The following MYH15 variants were observed in gnomAD, a reference collection of about 807,000 sequenced individuals.
MYH15 encodes myosin-15.
A neutral mutation model predicts 240.5 loss-of-function variants in MYH15; 227 were observed. The observed-to-expected ratio is 0.94, with a 90% CI of 0.85 to 1.05. The LOEUF is 1.05. MYH15 is among the 50% of genes least tolerant of loss of function. The probability of loss-of-function intolerance (pLI) is 0.00; values close to 1 mark genes in which losing one functional copy is unlikely to be tolerated. For missense variants in MYH15, 2,217 were observed against 2,247.5 expected (o/e 0.99, Z 0.27); for synonymous variants, 785 against 796.7 (o/e 0.99, Z 0.25).
chr3:108,444,616 A>G, intron 22 of MYH15, 24 bp downstream of exon 22: 1 of 1,607,476 alleles, frequency 6.2e-7, no homozygotes, highest in South Asian at 1.1e-5. Context: ...CTTGATTTAA[A>G]GAACAAATGG....
intron 1 of MYH15, among the ~76,000 whole-genome samples, chr3:108,523,331 G>A (rs2083637484): frequency 6.6e-6 from 1 of 151,736 alleles, no homozygotes; most frequent in South Asian, 2.1e-4. Context: ...AATAAAATAA[G>A]GTGATGGTCA....
chr3:108,480,819 G>A (rs925339662), intron 11 of MYH15, among the ~76,000 whole-genome samples: 3 of 152,156 alleles, frequency 2.0e-5, no homozygotes, highest in African/African-American at 7.2e-5. Flanking sequence ...CTGAGAGTTG[G>A]AAATATGGAG....
intron 1 of MYH15, among the ~76,000 whole-genome samples, chr3:108,507,329 G>A (rs1043916640): frequency 6.8e-6 from 1 of 148,066 alleles, no homozygotes; most frequent in African/African-American, 2.5e-5. Flanking sequence ...CCAGGTCACA[G>A]CTACTCAGGT....
At chr3:108,476,056 T>G (rs975983367) in intron 12 of MYH15, among the ~76,000 whole-genome samples, 1 of 152,194 alleles carries the variant, frequency 6.6e-6, no homozygotes, top group Non-Finnish European at 1.5e-5. Context: ...AGCATGCCAA[T>G]TTGCCAATTT....
Position 108,440,527 on chromosome 3 carries a change from C to T in MYH15, c.2898+491G>A, listed in dbSNP as rs182172091. On this transcript the variant is annotated intron_variant, in intron 23 of 40. Transcript: ENST00000693548. The stretch of plus-strand genomic sequence containing the variant: ...ACTGTCCTCAATCCACACACAGATG[C>T]GCAAGTTAAAACCCTCAAACAAACT... Among the ~76,000 whole-genome samples, 317 of 152,190 alleles carry T rather than the reference C, an allele frequency of 2.1e-3. 6 individuals carry two copies. The South Asian group carries it at 0.041, about 20-fold the overall frequency.
chr3:108,503,413 G>A (rs1320626940), intron 2 of MYH15, among the ~76,000 whole-genome samples: 1 of 151,976 alleles, frequency 6.6e-6, no homozygotes, highest in Non-Finnish European at 1.5e-5. Context: ...ATGTGGTAAG[G>A]GATTTGCAAC....
intron 24 of MYH15, among the ~76,000 whole-genome samples, chr3:108,438,920 T>C (rs534621151): frequency 2.6e-5 from 4 of 152,162 alleles, no homozygotes; most frequent in Middle Eastern, 6.8e-3. Flanking sequence ...AGCACACATA[T>C]AAACACCCAA....
chr3:108,425,118 T>C (rs2082716306), intron 27 of MYH15, among the ~76,000 whole-genome samples: 1 of 152,214 alleles, frequency 6.6e-6, no homozygotes. Context: ...CAGGTAAGTC[T>C]TTAATGCAGG....
intron 37 of MYH15, among the ~76,000 whole-genome samples, chr3:108,389,729 G>A (rs937153198): frequency 6.6e-6 from 1 of 152,220 alleles, no homozygotes; most frequent in Admixed American, 6.5e-5. Flanking sequence ...TATGTTGATG[G>A]AGATAAGTGC....
intron 2 of MYH15, among the ~76,000 whole-genome samples, chr3:108,502,377 T>A (rs1413968636): frequency 6.6e-6 from 1 of 152,202 alleles, no homozygotes; most frequent in Admixed American, 6.5e-5. Context: ...TTTACATTAA[T>A]ACTCTTTTGT....
Position 108,383,601 on chromosome 3 carries a change from C to T in MYH15, c.5760G>A (p.Gly1920=), listed in dbSNP as rs2107530908. The T allele has an allele frequency of 6.2e-7, 1 of 1,612,188 alleles. No homozygotes were observed. Among genetic ancestry groups the T allele is most frequent in the Middle Eastern group, 1.7e-4 (1 of 6,032 alleles). ...AGTTGAATATCTGCCATACCTTTTT[C>T]CCAAACTCTCTTGCTTTAATTTTGA... is the stretch of plus-strand genomic sequence containing the variant. ...NKLKIKAREF[G]KKVQEE is the part of the protein sequence containing the mutation. The change falls in exon 40 of 41, where the codon GGG becomes GGA. Residue 1920 remains glycine, a synonymous_variant. Coordinates refer to ENST00000693548, the MANE Select transcript of MYH15 (RefSeq NM_014981.3).
chr3:108,385,611 G>A (rs1055278159), intron 38 of MYH15, among the ~76,000 whole-genome samples: 3 of 152,088 alleles, frequency 2.0e-5, no homozygotes, highest in Non-Finnish European at 4.4e-5. Context: ...TTTCCATATT[G>A]GAGCTATTGT....
At chr3:108,470,650 ATCT>A (rs774907882) in intron 13 of MYH15, 45 bp downstream of exon 13, 90 of 1,593,336 alleles carry the variant, frequency 5.6e-5, no homozygotes, top group Non-Finnish European at 7.5e-5. Context: ...ACGTTTTCTA[ATCT>A]TCTTATAAAT....
chr3:108,446,583 C>T (rs1486811800), intron 21 of MYH15, among the ~76,000 whole-genome samples: 5 of 150,508 alleles, frequency 3.3e-5, no homozygotes, highest in African/African-American at 1.2e-4. Flanking sequence ...AACAAAGCAC[C>T]AGTAACCATC....
intron 29 of MYH15, 146 bp from the exon 30 acceptor site, chr3:108,414,574 G>C (rs1560336189): frequency 1.1e-5 from 7 of 648,178 alleles, no homozygotes; most frequent in Non-Finnish European, 2.6e-6. Flanking sequence ...ATAACACTAG[G>C]GAGAGAATTT....
intron 23 of MYH15, 145 bp from the exon 24 acceptor site, chr3:108,440,058 G>C: frequency 3.5e-6 from 2 of 571,628 alleles, no homozygotes; most frequent in Non-Finnish European, 5.6e-6. Context: ...TTCCTGATAC[G>C]CTTTCTAAAG....
At chr3:108,500,786 C>A (rs540956276) in intron 3 of MYH15, among the ~76,000 whole-genome samples, 1 of 152,112 alleles carries the variant, frequency 6.6e-6, no homozygotes, top group Non-Finnish European at 1.5e-5. Context: ...AATGTAATTA[C>A]AGGTTAAGGG....
At chr3:108,537,924 G>C in the MYH15 span, among the ~76,000 whole-genome samples, 1 of 152,096 alleles carries the variant, frequency 6.6e-6, no homozygotes. Flanking sequence ...TGTGATCATC[G>C]CTGATATTTC....
chr3:108,418,414 A>C (rs1322672319), intron 28 of MYH15, among the ~76,000 whole-genome samples: 2 of 152,230 alleles, frequency 1.3e-5, no homozygotes, highest in Non-Finnish European at 2.9e-5. Context: ...TTTTACCAGT[A>C]TGTTTTAGTG....
Sources: gnomAD v4.1 joint callset for allele counts (sites outside exome capture counted in the v4.1 genomes callset) on GRCh38, gnomAD v4.1.1 for gene constraint, MANE v1.5 for transcripts, NCBI Gene and HGNC (gene_info 2026-07-23, HGNC 2026-07-21) for gene names.